SHB: variants seen among roughly 807,000 people sequenced by gnomAD.
SHB encodes the protein SH2 domain-containing adapter protein B.
A neutral mutation model predicts 52.3 loss-of-function variants in SHB; 20 were observed. The ratio of observed to expected loss-of-function variants is 0.38; its 90% confidence interval spans 0.27 to 0.56. SHB has a LOEUF of 0.56. SHB is among the 20% of genes least tolerant of loss of function. The pLI, the probability that SHB is intolerant of heterozygous loss-of-function variation, is 0.71. For synonymous variants in SHB, 397 were observed against 316.5 expected (o/e 1.25, Z -2.70); for missense variants, 825 against 723.3 (o/e 1.14, Z -1.61).
chr9:37,977,819 C>A (rs1197233124), intron 2 of SHB, among the ~76,000 whole-genome samples: 1 of 152,184 alleles, frequency 6.6e-6, no homozygotes, highest in Non-Finnish European at 1.5e-5. Flanking sequence ...CTGGGAAAAC[C>A]ACCTTCCTCT....
chr9:37,942,914 T>C (rs1445452182), intron 5 of SHB, among the ~76,000 whole-genome samples: 1 of 151,550 alleles, frequency 6.6e-6, no homozygotes, highest in East Asian at 1.9e-4. Context: ...GGGGGATCAC[T>C]GGGGGGACAG....
chr9:38,040,336 G>A (rs576082864), intron 1 of SHB, among the ~76,000 whole-genome samples: 6 of 152,332 alleles, frequency 3.9e-5, no homozygotes, highest in African/African-American at 1.2e-4. Flanking sequence ...GAGGGCTGTC[G>A]TGAGGAGGAA....
chr9:38,007,862 T>G (rs1057085541), intron 2 of SHB, among the ~76,000 whole-genome samples: 2 of 152,142 alleles, frequency 1.3e-5, no homozygotes, highest in Non-Finnish European at 2.9e-5. Flanking sequence ...AAATGTAAGA[T>G]AAGTGGCCAG....
At chr9:38,039,197 C>A (rs1158526937) in intron 1 of SHB, among the ~76,000 whole-genome samples, 2 of 152,138 alleles carry the variant, frequency 1.3e-5, no homozygotes, top group Admixed American at 1.3e-4. Flanking sequence ...TGCTGTCAGG[C>A]GTTAAGCCTC....
At chr9:37,990,747 C>T (rs1820871501) in intron 2 of SHB, among the ~76,000 whole-genome samples, 1 of 152,112 alleles carries the variant, frequency 6.6e-6, no homozygotes, top group African/African-American at 2.4e-5. Flanking sequence ...AATGAAGGGA[C>T]CAGAAACTAG....
chr9:37,999,102 G>A (rs575643822), intron 2 of SHB, among the ~76,000 whole-genome samples: 1 of 152,326 alleles, frequency 6.6e-6, no homozygotes, highest in South Asian at 2.1e-4. Flanking sequence ...ATGGGGTGCT[G>A]CTGGACCCTG....
intron 1 of SHB, among the ~76,000 whole-genome samples, chr9:38,058,958 C>A (rs1484449260): frequency 6.6e-6 from 1 of 152,224 alleles, no homozygotes; most frequent in Non-Finnish European, 1.5e-5. Flanking sequence ...TACTTTCCTC[C>A]ACAGTCCCCA....
At chr9:37,972,986 C>T (rs1480106588) in intron 3 of SHB, among the ~76,000 whole-genome samples, 1 of 152,226 alleles carries the variant, frequency 6.6e-6, no homozygotes, top group African/African-American at 2.4e-5. Context: ...CTCACTGTCT[C>T]TCTTTTTACA....
chr9:37,956,145 T>C (rs1832630296), intron 3 of SHB, 91 bp from the exon 4 acceptor site: 17 of 1,239,724 alleles, frequency 1.4e-5, no homozygotes, highest in African/African-American at 3.0e-5. Context: ...GCTGGTCTAG[T>C]TGGCAATTTA....
chr9:38,059,032 C>T (rs912283824), intron 1 of SHB, among the ~76,000 whole-genome samples: 2 of 152,236 alleles, frequency 1.3e-5, no homozygotes, highest in Non-Finnish European at 2.9e-5. Flanking sequence ...GGAGCATAGA[C>T]TCTTATCTGC....
intron 1 of SHB, among the ~76,000 whole-genome samples, chr9:38,066,241 G>A (rs1821958955): frequency 6.6e-6 from 1 of 152,230 alleles, no homozygotes; most frequent in Non-Finnish European, 1.5e-5. Flanking sequence ...GTTTACTGAA[G>A]TTTTGAACCA....
At chr9:38,014,987 G>A (rs1821192834) in intron 2 of SHB, among the ~76,000 whole-genome samples, 1 of 152,214 alleles carries the variant, frequency 6.6e-6, no homozygotes. Context: ...ACAAAAACCA[G>A]ACAAACAATA....
chr9:38,064,191 T>A (rs1587271449), intron 1 of SHB, among the ~76,000 whole-genome samples: 1 of 152,030 alleles, frequency 6.6e-6, no homozygotes, highest in Non-Finnish European at 1.5e-5. Flanking sequence ...TCACCGTCTC[T>A]CACCAGAACT....
intron 5 of SHB, among the ~76,000 whole-genome samples, chr9:37,921,866 C>T (rs1245350037): frequency 1.3e-5 from 2 of 152,224 alleles, no homozygotes; most frequent in African/African-American, 4.8e-5. Context: ...TTAAGTAATG[C>T]GCTGAAACTG....
chr9:38,036,270 G>C (rs754424890), intron 1 of SHB, among the ~76,000 whole-genome samples: 1 of 152,186 alleles, frequency 6.6e-6, no homozygotes, highest in South Asian at 2.1e-4. Context: ...AAACCTCAAC[G>C]AGGTAGAACT....
intron 1 of SHB, among the ~76,000 whole-genome samples, chr9:38,041,778 C>T (rs1821581175): frequency 1.3e-5 from 2 of 152,118 alleles, no homozygotes; most frequent in Non-Finnish European, 2.9e-5. Context: ...CAGGTCGTGA[C>T]AGGGGCCGGT....
chr9:38,036,478 C>T lies in SHB; in HGVS notation c.718-20347G>A, dbSNP rs954217728. On this transcript the variant is annotated intron_variant, in intron 1 of 5. Coordinates refer to ENST00000377707, the MANE Select transcript of SHB (RefSeq NM_003028.3). ...TGCCGCCTGCCTAGAGCTCTGCCCA[C>T]GCAGGACTTGGGCACAAGGAACCCC... Among the ~76,000 whole-genome samples, 5 of 152,230 alleles carry T rather than the reference C, an allele frequency of 3.3e-5. No homozygotes were observed. In the South Asian group the frequency reaches 8.3e-4, roughly 25 times the overall value.
At chr9:37,982,257 C>T (rs1820736892) in intron 2 of SHB, among the ~76,000 whole-genome samples, 1 of 151,970 alleles carries the variant, frequency 6.6e-6, no homozygotes, top group East Asian at 1.9e-4. Context: ...CTTTGGGAGG[C>T]CAAGGGGGGT....
At chr9:38,055,484 G>T (rs1386816919) in intron 1 of SHB, among the ~76,000 whole-genome samples, 5 of 152,126 alleles carry the variant, frequency 3.3e-5, no homozygotes, top group Non-Finnish European at 5.9e-5. Context: ...ACTTTTTGCA[G>T]GTGTTAAAAA....
Sources: gnomAD v4.1 joint callset for allele counts (sites outside exome capture counted in the v4.1 genomes callset) on GRCh38, gnomAD v4.1.1 for gene constraint, MANE v1.5 for transcripts, NCBI Gene and HGNC (gene_info 2026-07-23, HGNC 2026-07-21) for gene names.